The following SEL1L3 variants were observed in gnomAD, a reference collection of about 807,000 sequenced individuals.
SEL1L3 encodes the protein SEL1L family member 3.
Under a neutral mutation model 142.8 loss-of-function variants are expected in SEL1L3, and 76 were observed. That is an observed-to-expected ratio of 0.53 (90% CI 0.44 to 0.64). The LOEUF is 0.64. SEL1L3 is among the 30% of genes least tolerant of loss of function. The pLI is 0.00. For missense variants in SEL1L3, 1,262 were observed against 1,381.7 expected (o/e 0.91, Z 1.37); for synonymous variants, 504 against 519.6 (o/e 0.97, Z 0.41).
downstream of SEL1L3, among the ~76,000 whole-genome samples, chr4:25,745,565 A>AAAATC (rs1717236289): frequency 2.0e-5 from 3 of 152,142 alleles, no homozygotes; most frequent in Admixed American, 2.0e-4. Flanking sequence ...TCTCAAGGTG[A>AAAATC]AGGGAGTGTG....
chr4:25,751,439 A>G (rs10008067), intron 23 of SEL1L3, among the ~76,000 whole-genome samples: 109,918 of 151,814 alleles, frequency 0.72, 40,038 homozygotes, highest in East Asian at 0.96. Context: ...CAATGGACCT[A>G]GGGGAACAGT....
At chr4:25,792,772 C>T (rs1181496977) in intron 11 of SEL1L3, among the ~76,000 whole-genome samples, 1 of 152,162 alleles carries the variant, frequency 6.6e-6, no homozygotes, top group African/African-American at 2.4e-5. Flanking sequence ...AGTAGCTGGC[C>T]CAAGGCCCAC....
the SEL1L3 span, chr4:25,719,796 A>C: frequency 6.6e-6 from 1 of 152,190 alleles, no homozygotes; most frequent in Admixed American, 6.5e-5. Context: ...CTGGAGATTG[A>C]AACTAGTAAG....
intron 17 of SEL1L3, among the ~76,000 whole-genome samples, chr4:25,770,861 C>A (rs1368338903): frequency 1.3e-5 from 2 of 152,190 alleles, no homozygotes; most frequent in Non-Finnish European, 2.9e-5. Flanking sequence ...TCCATGTTCA[C>A]ATCTACTGAG....
At chr4:25,855,950 C>T (rs28384114) in intron 1 of SEL1L3, among the ~76,000 whole-genome samples, 15,498 of 152,154 alleles carry the variant, frequency 0.1, 2,678 homozygotes, top group African/African-American at 0.35. Flanking sequence ...TAATTCCTTC[C>T]AAAGAGCCCT....
At chr4:25,730,110 T>C in the SEL1L3 span, among the ~76,000 whole-genome samples, 1 of 152,214 alleles carries the variant, frequency 6.6e-6, no homozygotes, top group Admixed American at 6.5e-5. Context: ...ATTTTTGTAT[T>C]TTTAGTAGAG....
intron 6 of SEL1L3, among the ~76,000 whole-genome samples, chr4:25,827,000 G>A (rs1715138553): frequency 1.3e-5 from 2 of 152,266 alleles, no homozygotes; most frequent in South Asian, 4.1e-4. Context: ...TTGTTTCAAT[G>A]CTTCAATTGG....
the SEL1L3 span, among the ~76,000 whole-genome samples, chr4:25,724,736 C>CAAAAAAAAAA: frequency 1.7e-3 from 10 of 5,988 alleles, no homozygotes; most frequent in Non-Finnish European, 2.2e-3. Context: ...GACTCCAACT[C>CAAAAAAAAAA]AAAAAAAAAA....
chr4:25,813,553 T>G (rs976341211), intron 9 of SEL1L3, among the ~76,000 whole-genome samples: 1 of 151,860 alleles, frequency 6.6e-6, no homozygotes, highest in African/African-American at 2.4e-5. Context: ...GCTCCCAGGG[T>G]TTGGGATGGG....
At chr4:25,825,489 C>A (rs1290758990) in intron 6 of SEL1L3, among the ~76,000 whole-genome samples, 1 of 151,946 alleles carries the variant, frequency 6.6e-6, no homozygotes, top group Non-Finnish European at 1.5e-5. Context: ...CCGCAGAGCA[C>A]CAGAAGCCTG....
intron 11 of SEL1L3, among the ~76,000 whole-genome samples, chr4:25,792,628 G>C (rs1371253242): frequency 6.6e-6 from 1 of 152,218 alleles, no homozygotes; most frequent in Non-Finnish European, 1.5e-5. Context: ...ATGAGTGGTG[G>C]AGCCTAGTTT....
intron 16 of SEL1L3, chr4:25,777,734 A>G (rs1719730174): frequency 1.6e-5 from 7 of 441,360 alleles, no homozygotes; most frequent in Admixed American, 7.6e-5. Context: ...AATATACTAA[A>G]TAACAATGAT....
intron 16 of SEL1L3, among the ~76,000 whole-genome samples, chr4:25,778,114 C>T (rs767257598): frequency 2.6e-5 from 4 of 152,128 alleles, no homozygotes; most frequent in Non-Finnish European, 5.9e-5. Flanking sequence ...AAATGTGCCT[C>T]CCATTCACCA....
At chr4:25,821,895 G>C (rs1436575468) in intron 7 of SEL1L3, 101 bp downstream of exon 7, 1 of 1,228,254 alleles carries the variant, frequency 8.1e-7, no homozygotes, top group East Asian at 2.6e-5. Context: ...GCGATGCATG[G>C]TCTGGCTTGG....
chr4:25,790,765 A>G lies in SEL1L3; in HGVS notation c.1957-191T>C, dbSNP rs1299502171. Among the ~76,000 whole-genome samples, 4 of 139,400 alleles carry G rather than the reference A, an allele frequency of 2.9e-5. No individual in the cohort carries two copies. The East Asian group carries it at 9.3e-4, about 32-fold the overall frequency. The allele number at this position is 139,400 out of a possible 152,430, so 91.5% of individuals were successfully genotyped here. On this transcript the variant is annotated intron_variant, in intron 11 of 23. Coordinates refer to ENST00000399878, the MANE Select transcript of SEL1L3 (RefSeq NM_015187.5). Reference sequence around the variant, plus strand: ...GAAGGAAGGAAGGAAGGAAGAAAGGAAGGGAGGAAGGAAGGAGGGAAGGAG... The same window carrying G: ...GAAGGAAGGAAGGAAGGAAGAAAGGGAGGGAGGAAGGAAGGAGGGAAGGAG...
chr4:25,829,987 G>C, intron 6 of SEL1L3, 111 bp downstream of exon 6: 1 of 721,340 alleles, frequency 1.4e-6, no homozygotes. Context: ...TCCATGCTTG[G>C]AAAAGCTGAA....
At chr4:25,813,847 C>T (rs528180844) in intron 9 of SEL1L3, among the ~76,000 whole-genome samples, 27 of 152,262 alleles carry the variant, frequency 1.8e-4, no homozygotes, top group African/African-American at 6.3e-4. Flanking sequence ...CCTCACTGGA[C>T]GGGAATGTGG....
At chr4:25,793,784 T>C (rs1037443836) in intron 11 of SEL1L3, among the ~76,000 whole-genome samples, 5 of 152,196 alleles carry the variant, frequency 3.3e-5, no homozygotes, top group Admixed American at 6.5e-5. Context: ...TCTTTTTCAC[T>C]GTGCAAAGAG....
At chr4:25,774,415 CCAACCAACCAACCAAT>C (rs1719456417) in intron 17 of SEL1L3, among the ~76,000 whole-genome samples, 2 of 152,146 alleles carry the variant, frequency 1.3e-5, no homozygotes, top group South Asian at 2.1e-4. Context: ...CTTCCCCCAA[CCAACCAACCAACCAAT>C]CAACCAACCA....
Sources: allele counts gnomAD v4.1 joint callset (sites outside exome capture counted in the v4.1 genomes callset), GRCh38; gene constraint gnomAD v4.1.1; transcripts MANE v1.5; gene names NCBI Gene and HGNC (gene_info 2026-07-23, HGNC 2026-07-21).